Variants in PPP3CA observed in about 807,000 individuals in gnomAD.
PPP3CA encodes CAM-PRP catalytic subunit.
A neutral mutation model predicts 66.5 loss-of-function variants in PPP3CA; 14 were observed. The ratio of observed to expected loss-of-function variants is 0.21; its 90% CI spans 0.14 to 0.33. The LOEUF is 0.33. Among genes scored for constraint, PPP3CA ranks in the 10% least tolerant of loss-of-function variants. The pLI, the probability that PPP3CA is intolerant of heterozygous loss-of-function variation, is 1.00. For synonymous variants in PPP3CA, 232 were observed against 226.2 expected, an observed-to-expected ratio of 1.03 and a Z score of -0.23; for missense variants, 317 against 639.5, an observed-to-expected ratio of 0.50 and a Z score of 5.44.
intron 3 of PPP3CA, among the ~76,000 whole-genome samples, chr4:101,105,047 T>C (rs1249981008): frequency 6.6e-6 from 1 of 152,170 alleles, no homozygotes; most frequent in Non-Finnish European, 1.5e-5. Flanking sequence ...AAAAGGAGCA[T>C]ACTAAACAAA....
At chr4:101,053,456 G>C (rs1728095494) in intron 10 of PPP3CA, among the ~76,000 whole-genome samples, 1 of 152,048 alleles carries the variant, frequency 6.6e-6, no homozygotes, top group Non-Finnish European at 1.5e-5. Flanking sequence ...CTTTAACAGT[G>C]CAGGCTAATT....
chr4:101,295,147 A>G (rs982518385), intron 1 of PPP3CA, among the ~76,000 whole-genome samples: 2 of 149,862 alleles, frequency 1.3e-5, no homozygotes, highest in Non-Finnish European at 3.0e-5. Flanking sequence ...TAAAAATACA[A>G]AAAATTAGCC....
intron 1 of PPP3CA, among the ~76,000 whole-genome samples, chr4:101,317,826 C>T (rs2110318156): frequency 6.6e-6 from 1 of 152,254 alleles, no homozygotes; most frequent in South Asian, 2.1e-4. Context: ...GGTTGACATC[C>T]TAGTATCACC....
At chr4:101,334,001 G>C (rs942145888) in intron 1 of PPP3CA, among the ~76,000 whole-genome samples, 1 of 152,222 alleles carries the variant, frequency 6.6e-6, no homozygotes, top group Non-Finnish European at 1.5e-5. Context: ...TACGTGAGCA[G>C]GATGGGTAGA....
intron 1 of PPP3CA, among the ~76,000 whole-genome samples, chr4:101,264,719 C>T (rs1727116533): frequency 6.6e-6 from 1 of 152,138 alleles, no homozygotes; most frequent in Non-Finnish European, 1.5e-5. Flanking sequence ...TTCAAATAAT[C>T]ACTAAGCAAA....
chr4:101,066,625 T>C (rs1380451042), intron 8 of PPP3CA, among the ~76,000 whole-genome samples: 1 of 152,060 alleles, frequency 6.6e-6, no homozygotes, highest in Non-Finnish European at 1.5e-5. Context: ...AACCTTACAT[T>C]AGTAAGTTAC....
intron 1 of PPP3CA, among the ~76,000 whole-genome samples, chr4:101,325,492 C>A (rs1279571367): frequency 6.6e-6 from 1 of 152,144 alleles, no homozygotes; most frequent in Non-Finnish European, 1.5e-5. Flanking sequence ...TAACTGTTTT[C>A]AACAAGCAAC....
chr4:101,275,364 G>A lies in PPP3CA; in HGVS notation c.58+71375C>T, dbSNP rs573208474. Among the ~76,000 whole-genome samples, 317 of 152,248 alleles carry A rather than the reference G, an allele frequency of 2.1e-3. 2 individuals are homozygous for A. Among genetic ancestry groups the A allele is most frequent in the Non-Finnish European group, 3.3e-3 (222 of 68,028 alleles). On this transcript the variant is annotated intron_variant, in intron 1 of 13. Transcript: ENST00000394854. ...TTCCTATGTACTCTCACAGTACCATGTTCTTATCTGTAATCGCCTATAGAA... is the reference window on the plus strand; with the variant it reads ...TTCCTATGTACTCTCACAGTACCATATTCTTATCTGTAATCGCCTATAGAA...
intron 2 of PPP3CA, among the ~76,000 whole-genome samples, chr4:101,157,035 A>C (rs1723346133): frequency 6.6e-6 from 1 of 152,188 alleles, no homozygotes; most frequent in African/African-American, 2.4e-5. Flanking sequence ...TTCCCAAGTG[A>C]TCTCCAAATG....
chr4:101,043,603 A>C (rs1301406820), intron 10 of PPP3CA, among the ~76,000 whole-genome samples: 1 of 151,828 alleles, frequency 6.6e-6, no homozygotes, highest in Non-Finnish European at 1.5e-5. Context: ...GGCCGGGCGC[A>C]GTGGCTCACG....
chr4:101,040,739 A>G (rs1223023670), intron 10 of PPP3CA, among the ~76,000 whole-genome samples, 173 bp from the exon 11 acceptor site: 1 of 152,118 alleles, frequency 6.6e-6, no homozygotes, highest in African/African-American at 2.4e-5. Context: ...TTGGCCACCA[A>G]TACTAGGATG....
At position 101,032,118 on chromosome 4, in the gene PPP3CA, T is replaced by G. The variant is rs1037298776; in HGVS notation, c.1339+149A>C. The G allele has an allele frequency of 1.3e-4, 69 of 526,090 alleles. 1 individual carries two copies. In the East Asian group the frequency reaches 2.3e-3, roughly 17 times the overall value. The allele number at this position is 526,090 out of a possible 1,614,324, so 32.6% of individuals were successfully genotyped here. On this transcript the variant is annotated intron_variant, in intron 12 of 13. Transcript: ENST00000394854. ...GAGCTATTATGTTGGACATGACTGA[T>G]CAAACTGATTGGGGTTTCAGCCCTT... is the stretch of plus-strand genomic sequence containing the variant.
chr4:101,173,953 G>A (rs1001442736), intron 2 of PPP3CA, among the ~76,000 whole-genome samples: 3 of 152,028 alleles, frequency 2.0e-5, no homozygotes, highest in Non-Finnish European at 4.4e-5. Context: ...CTGGGAGGCT[G>A]AGGCATTAGG....
At chr4:101,105,101 C>T (rs1294837948) in intron 3 of PPP3CA, among the ~76,000 whole-genome samples, 1 of 151,522 alleles carries the variant, frequency 6.6e-6, no homozygotes, top group Non-Finnish European at 1.5e-5. Flanking sequence ...TAATTGTAGA[C>T]TTTAAAAAAA....
rs1162259199 is a variant in PPP3CA, at chr4:101,106,444, A to G, written c.384+2510T>C. On this transcript the variant is annotated intron_variant, in intron 3 of 13. Transcript: ENST00000394854. ...AAGAAAGAAAGAAAGAAAGAAAGAA[A>G]GAAAGAAAGAGAAAAGAAAAGAAAA... Among the ~76,000 whole-genome samples the G allele has an allele frequency of 2.3e-4, 3 of 13,118 alleles. 1 individual carries two copies. Among genetic ancestry groups the G allele is most frequent in the African/African-American group, 9.5e-4 (3 of 3,154 alleles). 8.6% of individuals were successfully genotyped at this position (13,118 alleles called of 152,430 possible).
At chr4:101,073,150 A>G (rs1025314703) in intron 8 of PPP3CA, among the ~76,000 whole-genome samples, 2 of 151,840 alleles carry the variant, frequency 1.3e-5, no homozygotes, top group African/African-American at 4.8e-5. Context: ...CTAAAAGCCA[A>G]TCAAAACTTC....
At chr4:101,192,188 A>G (rs1336850175) in intron 2 of PPP3CA, among the ~76,000 whole-genome samples, 4 of 152,212 alleles carry the variant, frequency 2.6e-5, no homozygotes, top group Non-Finnish European at 5.9e-5. Context: ...CGTTTTAAAT[A>G]CAAACTAATC....
At position 101,059,821 on chromosome 4, in the gene PPP3CA, C is replaced by T. The variant is rs150587950; in HGVS notation, c.1156+1266G>A. Among the ~76,000 whole-genome samples the T allele has an allele frequency of 4.2e-4, 64 of 152,182 alleles. 1 individual carries two copies. Among genetic ancestry groups the T allele is most frequent in the South Asian group, 1.2e-3 (6 of 4,828 alleles). ...CTCTCCAACCAGTTTGCAACTTCTTCAAAGAATAGGTTTTTAATGCATCTT... is the reference window on the plus strand; with the variant it reads ...CTCTCCAACCAGTTTGCAACTTCTTTAAAGAATAGGTTTTTAATGCATCTT... On this transcript the variant is annotated intron_variant, in intron 10 of 13. Coordinates refer to ENST00000394854, the MANE Select transcript of PPP3CA (RefSeq NM_000944.5).
At chr4:101,076,662 G>A (rs1276881935) in intron 8 of PPP3CA, among the ~76,000 whole-genome samples, 1 of 152,136 alleles carries the variant, frequency 6.6e-6, no homozygotes, top group Non-Finnish European at 1.5e-5. Flanking sequence ...AAGTTGCTCA[G>A]GGCAATGAGG....
Sources: allele counts gnomAD v4.1 joint callset (sites outside exome capture counted in the v4.1 genomes callset), GRCh38; gene constraint gnomAD v4.1.1; transcripts MANE v1.5; gene names NCBI Gene and HGNC (gene_info 2026-07-23, HGNC 2026-07-21).